KIAA1217: variants seen among roughly 807,000 people sequenced by gnomAD.
KIAA1217 encodes the protein KIAA1217.
A neutral mutation model predicts 163.9 loss-of-function variants in KIAA1217; 88 were observed. The ratio of observed to expected loss-of-function variants is 0.54; its 90% confidence interval spans 0.45 to 0.64. The LOEUF (loss-of-function observed/expected upper bound fraction) is 0.64, where lower values mean the gene tolerates loss of function less well. Among genes scored for constraint, KIAA1217 ranks in the 30% least tolerant of loss-of-function variants. KIAA1217 has a pLI of 0.00. For missense variants in KIAA1217, 2,372 were observed against 2,475.0 expected (o/e 0.96, Z 0.88); for synonymous variants, 903 against 923.1 (o/e 0.98, Z 0.39).
At chr10:23,956,567 C>A (rs562590216) in intron 1 of KIAA1217, among the ~76,000 whole-genome samples, 5 of 152,248 alleles carry the variant, frequency 3.3e-5, no homozygotes, top group Admixed American at 2.6e-4. Flanking sequence ...AAGACATTCC[C>A]TGTATTCGTC....
chr10:24,015,566 G>C (rs1288396811), intron 2 of KIAA1217, among the ~76,000 whole-genome samples: 1 of 151,898 alleles, frequency 6.6e-6, no homozygotes, highest in Non-Finnish European at 1.5e-5. Context: ...GACCAGCCTG[G>C]CCAACGTGGT....
chr10:24,337,088 T>C (rs1007629853), intron 2 of KIAA1217, among the ~76,000 whole-genome samples: 1 of 152,216 alleles, frequency 6.6e-6, no homozygotes, highest in African/African-American at 2.4e-5. Context: ...AAAACTTTTA[T>C]GCGTCAAAGG....
At chr10:23,820,265 A>G (rs1176588139) in intron 1 of KIAA1217, among the ~76,000 whole-genome samples, 8 of 152,164 alleles carry the variant, frequency 5.3e-5, no homozygotes, top group Non-Finnish European at 1.2e-4. Context: ...ACAGAGCTTC[A>G]CATATTAAAC....
At chr10:23,876,744 C>T (rs1179272415) in intron 1 of KIAA1217, among the ~76,000 whole-genome samples, 3 of 150,996 alleles carry the variant, frequency 2.0e-5, no homozygotes, top group African/African-American at 7.3e-5. Context: ...TAATTCAGTG[C>T]TTTTTTTTTC....
chr10:23,951,199 A>G (rs1441337386), intron 1 of KIAA1217, among the ~76,000 whole-genome samples: 1 of 152,178 alleles, frequency 6.6e-6, no homozygotes, highest in Non-Finnish European at 1.5e-5. Flanking sequence ...ATCTAAGCTG[A>G]AACCTAGGCA....
At chr10:24,175,151 C>T (rs1051513971) in intron 2 of KIAA1217, among the ~76,000 whole-genome samples, 22 of 152,254 alleles carry the variant, frequency 1.4e-4, no homozygotes, top group African/African-American at 2.6e-4. Flanking sequence ...CGTGAGCCAC[C>T]GCACCCAGCC....
intron 1 of KIAA1217, among the ~76,000 whole-genome samples, chr10:23,863,129 T>A (rs1840032310): frequency 6.6e-6 from 1 of 152,162 alleles, no homozygotes; most frequent in African/African-American, 2.4e-5. Flanking sequence ...CTGATTCATG[T>A]CACTGTTCTT....
At chr10:24,019,774 T>C (rs2131510349) in intron 2 of KIAA1217, among the ~76,000 whole-genome samples, 1 of 151,690 alleles carries the variant, frequency 6.6e-6, no homozygotes, top group Middle Eastern at 3.4e-3. Context: ...TCATAGAAAA[T>C]CAGAGCAGAA....
intron 1 of KIAA1217, among the ~76,000 whole-genome samples, chr10:23,757,121 G>A (rs1833958880): frequency 8.6e-6 from 1 of 116,930 alleles, no homozygotes; most frequent in Non-Finnish European, 1.9e-5. Context: ...TTATTCATCT[G>A]CTGATGAATG....
intron 2 of KIAA1217, among the ~76,000 whole-genome samples, chr10:24,197,258 A>C (rs2067032529): frequency 6.6e-6 from 1 of 152,256 alleles, no homozygotes; most frequent in Non-Finnish European, 1.5e-5. Context: ...AACTATTTAT[A>C]ATTCGGCACC....
At chr10:23,837,288 T>A (rs1838519153) in intron 1 of KIAA1217, among the ~76,000 whole-genome samples, 1 of 152,208 alleles carries the variant, frequency 6.6e-6, no homozygotes, top group Non-Finnish European at 1.5e-5. Flanking sequence ...CCTAGCAAAG[T>A]AATATGCCCA....
intron 1 of KIAA1217, among the ~76,000 whole-genome samples, chr10:23,886,091 C>T (rs1841159441): frequency 1.3e-5 from 2 of 151,806 alleles, no homozygotes; most frequent in African/African-American, 4.8e-5. Flanking sequence ...GCCTTCAGTG[C>T]CGAGGGTGGC....
chr10:23,998,815 C>T (rs1846615521), intron 1 of KIAA1217, among the ~76,000 whole-genome samples: 1 of 152,160 alleles, frequency 6.6e-6, no homozygotes, highest in Admixed American at 6.5e-5. Context: ...AAAACACAAG[C>T]ATGGTTCGTA....
chr10:23,844,244 A>G (rs1189773092), intron 1 of KIAA1217, among the ~76,000 whole-genome samples: 2 of 152,150 alleles, frequency 1.3e-5, no homozygotes, highest in Non-Finnish European at 2.9e-5. Context: ...CCAGCTTTCT[A>G]CATTTGCCAG....
At chr10:24,209,310 C>T (rs755622303) in intron 1 of KIAA1217, 47 bp downstream of exon 1, 62 of 1,431,582 alleles carry the variant, frequency 4.3e-5, no homozygotes, top group Non-Finnish European at 6.0e-5. Context: ...GACGCGTGCC[C>T]CTTGCCGCTT....
chr10:23,859,319 C>G (rs373476004), intron 1 of KIAA1217, among the ~76,000 whole-genome samples: 116 of 152,294 alleles, frequency 7.6e-4, no homozygotes, highest in African/African-American at 2.6e-3. Flanking sequence ...TTGGCATTGA[C>G]TTTGATTGAG....
chr10:24,442,559 T>C (rs1171243450), intron 5 of KIAA1217, among the ~76,000 whole-genome samples: 1 of 152,192 alleles, frequency 6.6e-6, no homozygotes, highest in Non-Finnish European at 1.5e-5. Context: ...ATGCATTCTG[T>C]TGAAGAAAAA....
At chr10:24,354,876 A>G (rs1488242025) in intron 2 of KIAA1217, among the ~76,000 whole-genome samples, 2 of 152,186 alleles carry the variant, frequency 1.3e-5, no homozygotes, top group African/African-American at 4.8e-5. Flanking sequence ...GCCCGTTCCC[A>G]TTTAGGGCCA....
chr10:24,337,650 C>CTTTTCTTTTTT (rs1554821347), intron 2 of KIAA1217, among the ~76,000 whole-genome samples: 1 of 40,886 alleles, frequency 2.4e-5, no homozygotes, highest in Admixed American at 2.3e-4. Flanking sequence ...CTTTTCTTTT[C>CTTTTCTTTTTT]TTTTTTTTTT....
Sources: allele counts gnomAD v4.1 joint callset (sites outside exome capture counted in the v4.1 genomes callset), GRCh38; gene constraint gnomAD v4.1.1; transcripts MANE v1.5; gene names NCBI Gene and HGNC (gene_info 2026-07-23, HGNC 2026-07-21).